NINJ2: variants seen among roughly 807,000 people sequenced by gnomAD.
NINJ2 encodes the protein ninjurin-2.
In NINJ2, 12 loss-of-function variants were observed where a neutral mutation model predicts 11.7. The observed-to-expected ratio is 1.02, with a 90% CI of 0.66 to 1.66. NINJ2 has a LOEUF of 1.66. NINJ2 is among the 40% of genes most tolerant of loss of function. The probability of loss-of-function intolerance (pLI) is 0.00; values close to 1 mark genes in which losing one functional copy is unlikely to be tolerated. For missense variants in NINJ2, 187 were observed against 181.8 expected (o/e 1.03, Z -0.16); for synonymous variants, 93 against 76.8 (o/e 1.21, Z -1.10).
chr12:644,681 A>G (rs1937648416), intron 1 of NINJ2: 1 of 152,206 alleles, frequency 6.6e-6, no homozygotes, highest in Non-Finnish European at 1.5e-5. Flanking sequence ...AGTATTTGAG[A>G]CCTGAAAAAA....
intron 1 of NINJ2, among the ~76,000 whole-genome samples, chr12:607,436 T>C (rs542499440): frequency 7.9e-5 from 12 of 152,158 alleles, no homozygotes; most frequent in Non-Finnish European, 1.0e-4. Flanking sequence ...CCTGGGACCA[T>C]GGCAAATGGT....
chr12:573,923 G>A (rs1369889825), intron 1 of NINJ2, among the ~76,000 whole-genome samples: 1 of 152,196 alleles, frequency 6.6e-6, no homozygotes, highest in Admixed American at 6.5e-5. Context: ...TTTGAAACAT[G>A]TGAATGAACT....
chr12:579,804 A>G (rs1472198692), intron 1 of NINJ2, among the ~76,000 whole-genome samples: 1 of 152,228 alleles, frequency 6.6e-6, no homozygotes, highest in African/African-American at 2.4e-5. Context: ...CTCTTTGGAA[A>G]AAGCATAGGT....
In NINJ2 at chr12:614,042, A is replaced by G. The variant is rs1025525935; in HGVS notation, c.34-47864T>C. 6.6e-6 allele frequency among the ~76,000 whole-genome samples: 1 copy of G among 152,170 alleles called. No individual in the cohort carries two copies. Among genetic ancestry groups the G allele is most frequent in the South Asian group, 2.1e-4 (1 of 4,822 alleles). ...GGCATTTTCTTTCCAGGTGCTATTC[A>G]TTTAAGCCCTTCCAGAAGCCACAGG... On this transcript the variant is annotated intron_variant, in intron 1 of 3. Transcript: ENST00000305108. The surrounding 1 kb of genome is among the most constrained non-coding windows in gnomAD (Gnocchi z 5.1).
intron 1 of NINJ2, among the ~76,000 whole-genome samples, chr12:611,389 G>A (rs550131299): frequency 1.3e-5 from 2 of 151,234 alleles, no homozygotes; most frequent in African/African-American, 4.9e-5. Flanking sequence ...CCAGGCTGGA[G>A]TGCAGTGGCA....
At chr12:606,166 C>T (rs1024072821) in intron 1 of NINJ2, among the ~76,000 whole-genome samples, 4 of 151,998 alleles carry the variant, frequency 2.6e-5, no homozygotes, top group Non-Finnish European at 5.9e-5. Flanking sequence ...GCCACCTTGC[C>T]CAGCCAATAT....
chr12:584,110 G>C (rs1453850802), intron 1 of NINJ2, among the ~76,000 whole-genome samples: 1 of 151,952 alleles, frequency 6.6e-6, no homozygotes, highest in African/African-American at 2.4e-5. Context: ...TAGTACTTAA[G>C]TATTTGTCCT....
rs557048554 is a variant in NINJ2 at position 567,781 on chromosome 12, G to T, written c.34-1603C>A. Among the ~76,000 whole-genome samples the T allele has an allele frequency of 2.0e-5, 3 of 152,170 alleles. No homozygotes were observed. The South Asian group carries it at 6.2e-4, about 32-fold the overall frequency. ...AGCACTTTGAGAGGCCAAGGCAGGGGGATCATTTGAGGTCAGGAGTTTGAG... is the reference window on the plus strand; with the variant it reads ...AGCACTTTGAGAGGCCAAGGCAGGGTGATCATTTGAGGTCAGGAGTTTGAG... On this transcript the variant is annotated intron_variant, in intron 1 of 3. Transcript: ENST00000305108.
At position 580,535 on chromosome 12, in the gene NINJ2, C is replaced by G. The variant is rs1021474387; in HGVS notation, c.34-14357G>C. 6.6e-6 allele frequency among the ~76,000 whole-genome samples: 1 copy of G among 151,104 alleles called. No individual in the cohort carries two copies. The highest frequency in any genetic ancestry group is 6.6e-5 in the Admixed American group (1 of 15,148). On this transcript the variant is annotated intron_variant, in intron 1 of 3. Coordinates refer to ENST00000305108, the MANE Select transcript of NINJ2 (RefSeq NM_016533.6). The surrounding 1 kb of genome is among the most constrained non-coding windows in gnomAD (Gnocchi z 4.7). ...CCTGGAGGCAAAGGTTGCAGGGAGACAAGATCACACCACTGCACTCCAGCC... is the reference window on the plus strand; with the variant it reads ...CCTGGAGGCAAAGGTTGCAGGGAGAGAAGATCACACCACTGCACTCCAGCC...
chr12:575,615 G>C (rs1235421624), intron 1 of NINJ2, among the ~76,000 whole-genome samples: 1 of 152,208 alleles, frequency 6.6e-6, no homozygotes, highest in East Asian at 1.9e-4. Flanking sequence ...GGCTCCTTCT[G>C]CTGCCCACTT....
chr12:631,393 C>T (rs1183022111), intron 1 of NINJ2, among the ~76,000 whole-genome samples: 5 of 152,114 alleles, frequency 3.3e-5, no homozygotes, highest in African/African-American at 1.2e-4. Context: ...GAGACGGAGT[C>T]TCCCTCTGTC....
intron 2 of NINJ2, 134 bp downstream of exon 2, chr12:565,816 A>C (rs775611879): frequency 1.3e-6 from 1 of 796,994 alleles, no homozygotes. Flanking sequence ...CTGTTAGCGG[A>C]GGGCTCACTG....
intron 1 of NINJ2, among the ~76,000 whole-genome samples, chr12:578,453 G>T (rs1339084014): frequency 1.3e-5 from 2 of 152,016 alleles, no homozygotes; most frequent in Non-Finnish European, 2.9e-5. Flanking sequence ...TGGGTAGCTG[G>T]GACTACAAGT....
chr12:565,020 G>C (rs906027282), intron 3 of NINJ2, among the ~76,000 whole-genome samples, 197 bp downstream of exon 3: 21 of 152,374 alleles, frequency 1.4e-4, no homozygotes, highest in African/African-American at 4.6e-4. Flanking sequence ...TGAGAGCAGA[G>C]AGCCATTAAC....
intron 1 of NINJ2, among the ~76,000 whole-genome samples, chr12:578,955 G>A (rs758197395): frequency 3.9e-5 from 6 of 152,130 alleles, no homozygotes; most frequent in African/African-American, 1.2e-4. Context: ...AGAGCCTCTC[G>A]TTTTTGCTGA....
chr12:604,850 A>ACAGAT (rs2120919970), intron 1 of NINJ2, among the ~76,000 whole-genome samples: 1 of 152,290 alleles, frequency 6.6e-6, no homozygotes, highest in South Asian at 2.1e-4. Context: ...AAGCCTGTTG[A>ACAGAT]CAGATCCTCC....
chr12:565,680 GAGTT>G, intron 2 of NINJ2: 1 of 614,464 alleles, frequency 1.6e-6, no homozygotes, highest in Non-Finnish European at 2.9e-6. Context: ...GCGAGTGAGT[GAGTT>G]AGCAGTTAGC....
chr12:587,622 C>A (rs1373547337), intron 1 of NINJ2, among the ~76,000 whole-genome samples: 1 of 152,182 alleles, frequency 6.6e-6, no homozygotes, highest in Non-Finnish European at 1.5e-5. Flanking sequence ...GGTCTGGCCT[C>A]TGACCACTCT....
Position 599,052 on chromosome 12 carries a change from A to T in NINJ2, c.34-32874T>A, listed in dbSNP as rs188985105. 1.3e-3 allele frequency among the ~76,000 whole-genome samples: 193 copies of T among 146,268 alleles called. 1 individual carries two copies. The highest frequency in any genetic ancestry group is 5.1e-3 in the African/African-American group (185 of 36,042). On this transcript the variant is annotated intron_variant, in intron 1 of 3. Coordinates refer to ENST00000305108, the MANE Select transcript of NINJ2 (RefSeq NM_016533.6). ...ATGTATTTCTTGTACCAGCCGAAAA[A>T]GAGAGAAATATTGAAATAAATAAAG...
Sources: allele counts gnomAD v4.1 joint callset (sites outside exome capture counted in the v4.1 genomes callset), GRCh38; gene constraint gnomAD v4.1.1; non-coding constraint Gnocchi (gnomAD v3.1); transcripts MANE v1.5; gene names NCBI Gene and HGNC (gene_info 2026-07-23, HGNC 2026-07-21).